Variants in RPTOR observed in about 807,000 individuals in gnomAD.
The protein encoded by RPTOR is regulatory associated protein of MTOR complex 1.
In RPTOR, 21 loss-of-function variants were observed where a neutral mutation model predicts 169.9. The ratio of observed to expected loss-of-function variants is 0.12; its 90% CI spans 0.09 to 0.18. The LOEUF (loss-of-function observed/expected upper bound fraction) is 0.18. Among genes scored for constraint, RPTOR ranks in the 10% least tolerant of loss-of-function variants. The pLI is 1.00. For missense variants in RPTOR, 1,133 were observed against 1,855.9 expected, an observed-to-expected ratio of 0.61 and a Z score of 7.16; for synonymous variants, 732 against 753.2, an observed-to-expected ratio of 0.97 and a Z score of 0.46.
chr17:80,755,117 C>A (rs1488532457), intron 6 of RPTOR, among the ~76,000 whole-genome samples: 1 of 146,050 alleles, frequency 6.8e-6, no homozygotes, highest in African/African-American at 2.4e-5. Context: ...CTTGGCCTTC[C>A]TGCTCTGCCT....
intron 1 of RPTOR, among the ~76,000 whole-genome samples, chr17:80,603,195 G>T (rs542882088): frequency 5.1e-4 from 77 of 152,284 alleles, no homozygotes; most frequent in African/African-American, 1.8e-3. Context: ...TGTAGACTTC[G>T]TTGAGTAAAA....
chr17:80,793,791 G>A (rs2067073916), intron 7 of RPTOR, among the ~76,000 whole-genome samples: 1 of 152,250 alleles, frequency 6.6e-6, no homozygotes, highest in Non-Finnish European at 1.5e-5. Context: ...ACCTAGTGAT[G>A]ACAACAAAAA....
intron 9 of RPTOR, among the ~76,000 whole-genome samples, chr17:80,830,556 G>C (rs565681862): frequency 6.6e-6 from 1 of 152,170 alleles, no homozygotes; most frequent in Admixed American, 6.5e-5. Flanking sequence ...TGCGCCCCAC[G>C]GTGCCCCCGC....
chr17:80,829,473 C>T (rs113387111), intron 9 of RPTOR, among the ~76,000 whole-genome samples: 123 of 152,330 alleles, frequency 8.1e-4, no homozygotes, highest in African/African-American at 2.8e-3. Flanking sequence ...TGATATCTAA[C>T]GTGGCATTAA....
At position 80,730,003 on chromosome 17, in the gene RPTOR, A is replaced by C. The variant is rs2066376227; in HGVS notation, c.508-557A>C. On this transcript the variant is annotated intron_variant, in intron 4 of 33. Transcript: ENST00000306801. The surrounding 1 kb of genome is among the most constrained non-coding windows in gnomAD (Gnocchi z 4.2). ...TTGACCAGCAGCTGAACCCAGCGGC[A>C]GCTGCGGAGGAGCCTGGGGCTAGGG... is the stretch of plus-strand genomic sequence containing the variant. Among the ~76,000 whole-genome samples the C allele has an allele frequency of 6.6e-6, 1 of 152,250 alleles. No individual in the cohort carries two copies. The highest frequency in any genetic ancestry group is 6.5e-5 in the Admixed American group (1 of 15,284).
At chr17:80,865,833 C>T (rs2067983454) in intron 13 of RPTOR, among the ~76,000 whole-genome samples, 1 of 152,070 alleles carries the variant, frequency 6.6e-6, no homozygotes, top group South Asian at 2.1e-4. Context: ...ACACGCCACA[C>T]AGCAGCCATG....
chr17:80,611,938 CT>C (rs1485788555), intron 1 of RPTOR, among the ~76,000 whole-genome samples: 1 of 152,114 alleles, frequency 6.6e-6, no homozygotes, highest in African/African-American at 2.4e-5. Flanking sequence ...CATCATTTCA[CT>C]TGTCTTTTCA....
At chr17:80,571,875 C>G (rs1034110953) in intron 1 of RPTOR, among the ~76,000 whole-genome samples, 3 of 152,122 alleles carry the variant, frequency 2.0e-5, no homozygotes, top group East Asian at 1.9e-4. Flanking sequence ...GTTGTACTTG[C>G]GTTTTCGTGT....
chr17:80,711,744 C>CTTTT lies in RPTOR; in HGVS notation c.507+3758_507+3761dup, dbSNP rs1226456124. On this transcript the variant is annotated intron_variant, in intron 4 of 33. Coordinates refer to ENST00000306801, the MANE Select transcript of RPTOR (RefSeq NM_020761.3). ...AGTTAACATATAGTTATACATCAGT[C>CTTTT]TTTTTTTTTTTTTTTTGAGGTTAAG... is the stretch of plus-strand genomic sequence containing the variant. Among the ~76,000 whole-genome samples, 175 of 88,830 alleles carry CTTTT rather than the reference C, an allele frequency of 2.0e-3. 34 individuals are homozygous for CTTTT. The highest frequency in any genetic ancestry group is 9.8e-3 in the African/African-American group (154 of 15,650). The allele number at this position is 88,830 out of a possible 152,430, so 58.3% of individuals were successfully genotyped here. A position where few individuals can be genotyped will look rare whatever the true frequency, so the allele number is the denominator to read the frequency against.
In RPTOR at chr17:80,730,474, T is replaced by C. The variant is rs999860610; in HGVS notation, c.508-86T>C. The C allele has an allele frequency of 2.8e-5, 41 of 1,463,486 alleles. No individual in the cohort carries two copies. Among genetic ancestry groups the C allele is most frequent in the Non-Finnish European group, 3.4e-5 (36 of 1,054,450 alleles). The allele number at this position is 1,463,486 out of a possible 1,614,324, so 90.7% of individuals were successfully genotyped here. A position where few individuals can be genotyped will look rare whatever the true frequency, so the allele number is the denominator to read the frequency against. On this transcript the variant is annotated intron_variant, in intron 4 of 33. Coordinates refer to ENST00000306801, the MANE Select transcript of RPTOR (RefSeq NM_020761.3). The surrounding 1 kb of genome is among the most constrained non-coding windows in gnomAD (Gnocchi z 4.2). ...CTCTCCAGCCACCAGGCTCAATGTGTGTGCCTTTTGTAACGGTGCAGTACT... is the reference window on the plus strand; with the variant it reads ...CTCTCCAGCCACCAGGCTCAATGTGCGTGCCTTTTGTAACGGTGCAGTACT...
rs930614291 is a variant in RPTOR, at chr17:80,947,988, C to G, written c.3265+637C>G. ...AATCGTTTGTTTCCATGTCAGTTAC[C>G]CCACGTTGACAGTCATTTTCCTTTA... On this transcript the variant is annotated intron_variant, in intron 27 of 33. Coordinates refer to ENST00000306801, the MANE Select transcript of RPTOR (RefSeq NM_020761.3). This position sits in a 1 kb window ranked among gnomAD's most constrained non-coding sequence, Gnocchi z 4.4. Among the ~76,000 whole-genome samples the G allele has an allele frequency of 1.3e-5, 2 of 152,208 alleles. No individual in the cohort carries two copies. The highest frequency in any genetic ancestry group is 4.8e-5 in the African/African-American group (2 of 41,438).
chr17:80,754,222 A>G lies in RPTOR; in HGVS notation c.830+37A>G, dbSNP rs1370019102. ...CTGCTGTGCCCCTGGGACCCACTCAACTGGGCTCTCCCGCAGGGACCCCAA... is the reference window on the plus strand; with the variant it reads ...CTGCTGTGCCCCTGGGACCCACTCAGCTGGGCTCTCCCGCAGGGACCCCAA... On this transcript the variant is annotated intron_variant, in intron 6 of 33. Coordinates refer to ENST00000306801, the MANE Select transcript of RPTOR (RefSeq NM_020761.3). The surrounding 1 kb of genome is among the most constrained non-coding windows in gnomAD (Gnocchi z 4.2). 6.4e-7 allele frequency: 1 copy of G among 1,551,272 alleles called. No individual in the cohort carries two copies. The highest frequency in any genetic ancestry group is 1.2e-5 in the South Asian group (1 of 84,132).
At chr17:80,667,967 C>A (rs1228363281) in intron 3 of RPTOR, among the ~76,000 whole-genome samples, 1 of 152,134 alleles carries the variant, frequency 6.6e-6, no homozygotes, top group African/African-American at 2.4e-5. Flanking sequence ...ATGCCGTGGG[C>A]AGAACGACCT....
chr17:80,619,984 G>A (rs2065342914), intron 1 of RPTOR, among the ~76,000 whole-genome samples: 1 of 152,200 alleles, frequency 6.6e-6, no homozygotes. Flanking sequence ...CCTTAGGCGT[G>A]TGCTCCAGCC....
chr17:80,639,317 C>T (rs535830818), intron 2 of RPTOR, among the ~76,000 whole-genome samples: 42 of 151,568 alleles, frequency 2.8e-4, no homozygotes, highest in African/African-American at 8.2e-4. Context: ...GCTAAATACA[C>T]GGTACAAAGA....
chr17:80,930,424 C>G (rs200361439), intron 24 of RPTOR, among the ~76,000 whole-genome samples: 1 of 460 alleles, frequency 2.2e-3, no homozygotes, highest in Non-Finnish European at 4.5e-3. Flanking sequence ...TCATCCTCAG[C>G]TCATCCTCAT....
chr17:80,823,345 A>ATTTTTTTTTTT lies in RPTOR; in HGVS notation c.1136+124_1136+125insTTTTTTTTTTT, dbSNP rs2143619024. On this transcript the variant is annotated intron_variant, in intron 9 of 33. Transcript: ENST00000306801. This position sits in a 1 kb window ranked among gnomAD's most constrained non-coding sequence, Gnocchi z 4.5. ...ACCTAACTTGGGGACCCCGTGTAGC[A>ATTTTTTTTTTT]TTAACAAGTGAAGCTAAATGCAGGG... 7.1e-6 allele frequency: 9 copies of ATTTTTTTTTTT among 1,266,470 alleles called. No individual in the cohort carries two copies. Among genetic ancestry groups the ATTTTTTTTTTT allele is most frequent in the African/African-American group, 3.0e-5 (2 of 67,170 alleles). 78.5% of individuals were successfully genotyped at this position (1,266,470 alleles called of 1,614,324 possible).
chr17:80,816,114 G>A (rs2067320531), intron 7 of RPTOR, among the ~76,000 whole-genome samples: 1 of 152,238 alleles, frequency 6.6e-6, no homozygotes, highest in African/African-American at 2.4e-5. Context: ...TTTTGTTTGA[G>A]TAGCTAAAAA....
intron 11 of RPTOR, among the ~76,000 whole-genome samples, chr17:80,852,151 C>T (rs1256440881): frequency 6.6e-6 from 1 of 152,198 alleles, no homozygotes; most frequent in Non-Finnish European, 1.5e-5. Context: ...CGCTGGACAC[C>T]TTGGTGCACA....
Sources: allele counts gnomAD v4.1 joint callset (sites outside exome capture counted in the v4.1 genomes callset), GRCh38; gene constraint gnomAD v4.1.1; non-coding constraint Gnocchi (gnomAD v3.1); transcripts MANE v1.5; gene names NCBI Gene and HGNC (gene_info 2026-07-23, HGNC 2026-07-21).